FBN1: variants seen among roughly 807,000 people sequenced by gnomAD.
FBN1 encodes the protein fibrillin 1.
A neutral mutation model predicts 365.1 loss-of-function variants in FBN1; 29 were observed. That is an observed-to-expected ratio of 0.08 (90% CI 0.06 to 0.11). FBN1 has a LOEUF of 0.11. Ranked by LOEUF, FBN1 falls within the 10% of genes least tolerant of loss-of-function variation. The probability of loss-of-function intolerance (pLI) is 1.00; values close to 1 mark genes in which losing one functional copy is unlikely to be tolerated. For missense variants in FBN1, 2,476 were observed against 3,703.2 expected (o/e 0.67, Z 8.60); for synonymous variants, 1,210 against 1,270.5 (o/e 0.95, Z 1.01).
intron 43 of FBN1, 34 bp downstream of exon 43, chr15:48,460,212 A>G: frequency 2.6e-6 from 4 of 1,567,300 alleles, no homozygotes; most frequent in Non-Finnish European, 3.5e-6. Context: ...AAGGCAAAAA[A>G]CCAGAAAGTT....
intron 30 of FBN1, 23 bp downstream of exon 30, chr15:48,485,351 A>C: frequency 6.2e-7 from 1 of 1,614,194 alleles, no homozygotes. Context: ...GAGAGATTCA[A>C]CATGAGGCTA....
chr15:48,474,681 G>A, intron 32 of FBN1, 31 bp from the exon 33 acceptor site: 1 of 1,613,836 alleles, frequency 6.2e-7, no homozygotes, highest in Non-Finnish European at 8.5e-7. Flanking sequence ...TTAGAAAAAG[G>A]CTCAGCACAA....
rs556849813 is a variant in FBN1, at chr15:48,451,093, T to C, written c.5545+1469A>G. On this transcript the variant is annotated intron_variant, in intron 45 of 65. Coordinates refer to ENST00000316623, the MANE Select transcript of FBN1 (RefSeq NM_000138.5). ...GCTGGCTGCATTTTATGTATGATAG[T>C]CTCCTACAAGAAAACAGTAAATGAC... 3.3e-5 allele frequency among the ~76,000 whole-genome samples: 5 copies of C among 152,322 alleles called. No homozygotes were observed. The East Asian group carries it at 9.7e-4, about 29-fold the overall frequency.
rs1166125127 is a variant in FBN1 at position 48,437,425 on chromosome 15, C to A, written c.6314-38G>T. 3 of 1,496,780 alleles carry A rather than the reference C, an allele frequency of 2.0e-6. No homozygotes were observed. In the South Asian group the frequency reaches 3.4e-5, roughly 17 times the overall value. 92.7% of individuals were successfully genotyped at this position (1,496,780 alleles called of 1,614,324 possible). A position where few individuals can be genotyped will look rare whatever the true frequency, so the allele number is the denominator to read the frequency against. On this transcript the variant is annotated intron_variant, in intron 51 of 65. Coordinates refer to ENST00000316623, the MANE Select transcript of FBN1 (RefSeq NM_000138.5). Reference sequence around the variant, plus strand: ...CACTCATTAATAGATAGAACAATAGCAATTCATTACAAGCTTCTCCACAAG... The same window carrying A: ...CACTCATTAATAGATAGAACAATAGAAATTCATTACAAGCTTCTCCACAAG...
At chr15:48,572,154 A>C (rs2044310430) in intron 6 of FBN1, among the ~76,000 whole-genome samples, 2 of 152,202 alleles carry the variant, frequency 1.3e-5, no homozygotes, top group Admixed American at 1.3e-4. Context: ...AAATTAAAAA[A>C]AATACTTTTC....
intron 60 of FBN1, among the ~76,000 whole-genome samples, chr15:48,423,851 G>A (rs1566892317): frequency 6.6e-6 from 1 of 152,216 alleles, no homozygotes; most frequent in African/African-American, 2.4e-5. Flanking sequence ...AAAGGGACAA[G>A]TTGTGAGTGG....
chr15:48,570,057 C>A (rs540162311), intron 6 of FBN1, among the ~76,000 whole-genome samples: 2 of 152,028 alleles, frequency 1.3e-5, no homozygotes, highest in Non-Finnish European at 2.9e-5. Flanking sequence ...ACTAATACAA[C>A]CTACAAGTCT....
chr15:48,533,203 C>T (rs1005430941), intron 8 of FBN1, among the ~76,000 whole-genome samples: 2 of 152,132 alleles, frequency 1.3e-5, no homozygotes, highest in African/African-American at 2.4e-5. Flanking sequence ...AAAATGCATC[C>T]ATCTAAGTGA....
chr15:48,635,572 T>C (rs1285643525), intron 2 of FBN1, among the ~76,000 whole-genome samples: 1 of 152,174 alleles, frequency 6.6e-6, no homozygotes, highest in African/African-American at 2.4e-5. Flanking sequence ...TACATACATT[T>C]GAGGCTATAA....
chr15:48,596,204 C>T, intron 6 of FBN1, 79 bp downstream of exon 6: 1 of 1,265,976 alleles, frequency 7.9e-7, no homozygotes, highest in Non-Finnish European at 1.2e-6. Flanking sequence ...AGTAGCCATG[C>T]AGACCCAATG....
At chr15:48,450,070 C>T (rs1238987585) in intron 45 of FBN1, among the ~76,000 whole-genome samples, 1 of 152,188 alleles carries the variant, frequency 6.6e-6, no homozygotes, top group Non-Finnish European at 1.5e-5. Flanking sequence ...TACTACTAGC[C>T]TATGCAGAAA....
intron 2 of FBN1, among the ~76,000 whole-genome samples, chr15:48,621,844 A>T (rs184858852): frequency 6.6e-6 from 1 of 151,600 alleles, no homozygotes; most frequent in African/African-American, 2.4e-5. Context: ...AAAAAAAAAA[A>T]AAAATTAGCC....
chr15:48,631,433 C>T (rs1251158843), intron 2 of FBN1, among the ~76,000 whole-genome samples: 2 of 152,208 alleles, frequency 1.3e-5, no homozygotes, highest in Non-Finnish European at 2.9e-5. Context: ...GGAGGGAATA[C>T]TGACGCTATG....
chr15:48,519,519 T>C (rs746011311), intron 10 of FBN1, among the ~76,000 whole-genome samples: 1 of 152,220 alleles, frequency 6.6e-6, no homozygotes, highest in Non-Finnish European at 1.5e-5. Context: ...ATAGTGATAG[T>C]ACCAGCCAGA....
chr15:48,546,916 T>C (rs1217564332), intron 6 of FBN1, among the ~76,000 whole-genome samples: 1 of 152,092 alleles, frequency 6.6e-6, no homozygotes, highest in Non-Finnish European at 1.5e-5. Flanking sequence ...GAATAAATGG[T>C]CATTTGCTGA....
intron 23 of FBN1, among the ~76,000 whole-genome samples, chr15:48,493,411 A>C (rs1445622068): frequency 1.3e-5 from 2 of 152,230 alleles, no homozygotes; most frequent in Admixed American, 1.3e-4. Context: ...TGTTGAAAAA[A>C]TATTCTGAAT....
At chr15:48,519,105 T>C (rs2043829695) in intron 10 of FBN1, among the ~76,000 whole-genome samples, 1 of 152,186 alleles carries the variant, frequency 6.6e-6, no homozygotes, top group South Asian at 2.1e-4. Context: ...AGTTAACATA[T>C]GCATTTTAAA....
chr15:48,612,832 G>A (rs187578756), intron 3 of FBN1, among the ~76,000 whole-genome samples, 178 bp downstream of exon 3: 45 of 152,294 alleles, frequency 3.0e-4, no homozygotes, highest in African/African-American at 9.6e-4. Flanking sequence ...AACTTTGACA[G>A]GGTTTGACCA....
intron 6 of FBN1, among the ~76,000 whole-genome samples, chr15:48,573,036 G>A (rs2044317936): frequency 1.3e-5 from 2 of 152,172 alleles, no homozygotes; most frequent in Admixed American, 1.3e-4. Context: ...AAGGGCACCT[G>A]CTGGGGATGA....
Sources: gnomAD v4.1 joint callset for allele counts (sites outside exome capture counted in the v4.1 genomes callset) on GRCh38, gnomAD v4.1.1 for gene constraint, MANE v1.5 for transcripts, NCBI Gene and HGNC (gene_info 2026-07-23, HGNC 2026-07-21) for gene names.